Variants in CAB39 observed in about 807,000 individuals in gnomAD.
CAB39 encodes calcium binding protein 39, also known as calcium-binding protein 39.
Under a neutral mutation model 40.0 loss-of-function variants are expected in CAB39, and 8 were observed. The observed-to-expected ratio is 0.20, with a 90% CI of 0.12 to 0.36. The LOEUF (loss-of-function observed/expected upper bound fraction) is 0.36. CAB39 is among the 10% of genes least tolerant of loss of function. The pLI is 1.00. For missense variants in CAB39, 270 were observed against 401.1 expected (o/e 0.67, Z 2.79); for synonymous variants, 156 against 141.6 (o/e 1.10, Z -0.72).
At chr2:230,772,762 G>A (rs1458144599) in intron 2 of CAB39, among the ~76,000 whole-genome samples, 2 of 152,058 alleles carry the variant, frequency 1.3e-5, no homozygotes, top group Non-Finnish European at 2.9e-5. Context: ...TGGGATTACA[G>A]GCGTGAGACA....
At chr2:230,772,982 TAA>T (rs10713369) in intron 2 of CAB39, among the ~76,000 whole-genome samples, 2,614 of 115,004 alleles carry the variant, frequency 0.023, 51 homozygotes, top group African/African-American at 0.061. Context: ...TACTCAGCAA[TAA>T]AAAAAAAAAA....
Position 230,712,911 on chromosome 2 carries a change from G to A in CAB39, c.-363G>A, listed in dbSNP as rs1231185164. 1 of 151,980 alleles carries A rather than the reference G, an allele frequency of 6.6e-6. No individual in the cohort carries two copies. Among genetic ancestry groups the A allele is most frequent in the East Asian group, 1.9e-4 (1 of 5,200 alleles). The allele number at this position is 151,980 out of a possible 1,614,324, so 9.4% of individuals were successfully genotyped here. On this transcript the variant is annotated 5_prime_UTR_variant, in exon 1 of 9. Coordinates refer to ENST00000258418, the MANE Select transcript of CAB39 (RefSeq NM_016289.4). ...GGGGTTCGGGGAGCGGCGCGGCCTG[G>A]GAGACACAGAGCCTTCAGGCGCCGG...
At chr2:230,746,497 T>C (rs1400466548) in intron 1 of CAB39, among the ~76,000 whole-genome samples, 2 of 152,208 alleles carry the variant, frequency 1.3e-5, no homozygotes, top group Non-Finnish European at 2.9e-5. Flanking sequence ...CCTTTGAATA[T>C]TCCATCTTGG....
At chr2:230,801,503 C>T (rs1215441102) in intron 5 of CAB39, among the ~76,000 whole-genome samples, 2 of 152,176 alleles carry the variant, frequency 1.3e-5, no homozygotes, top group African/African-American at 4.8e-5. Flanking sequence ...AGAAAACGTG[C>T]TCTGCACACA....
chr2:230,719,240 A>G (rs796387011), intron 1 of CAB39, among the ~76,000 whole-genome samples: 7 of 152,328 alleles, frequency 4.6e-5, no homozygotes, highest in African/African-American at 1.4e-4. Context: ...ATTGTCCCCA[A>G]CATCATTGAT....
At chr2:230,759,085 A>G (rs551549022) in intron 1 of CAB39, among the ~76,000 whole-genome samples, 1 of 152,316 alleles carries the variant, frequency 6.6e-6, no homozygotes, top group South Asian at 2.1e-4. Context: ...CTAGAAGTTC[A>G]TCATCCTCAG....
At chr2:230,738,641 CTG>C (rs1694826530) in intron 1 of CAB39, among the ~76,000 whole-genome samples, 1 of 152,212 alleles carries the variant, frequency 6.6e-6, no homozygotes. Flanking sequence ...TGGAAAAAGT[CTG>C]TTTACACTAA....
chr2:230,769,175 A>T (rs1695440570), intron 2 of CAB39, among the ~76,000 whole-genome samples: 2 of 152,244 alleles, frequency 1.3e-5, no homozygotes, highest in African/African-American at 4.8e-5. Flanking sequence ...TCATTTTATG[A>T]TAAAGTAGGG....
chr2:230,793,313 T>C lies in CAB39; in HGVS notation c.380T>C (p.Leu127Ser), dbSNP rs1447998468. 1.3e-6 allele frequency: 2 copies of C among 1,580,480 alleles called. No homozygotes were observed. Among genetic ancestry groups the C allele is most frequent in the Non-Finnish European group, 1.7e-6 (2 of 1,150,872 alleles). The change falls in exon 4 of 9, where the codon TTG (leucine) becomes TCG (serine). Residue 127 changes from leucine (L) to serine (S), a missense_variant. Transcript: ENST00000258418. ...TACATCTGCACCCAACAGAATATTT[T>C]GTTCATGTTATTGAAAGGGTATGTA... The part of the protein sequence containing the change: ...VEYICTQQNI[L>S]FMLLKGYESP...
intron 5 of CAB39, among the ~76,000 whole-genome samples, chr2:230,801,403 C>T (rs577918051): frequency 6.6e-6 from 1 of 152,272 alleles, no homozygotes; most frequent in East Asian, 1.9e-4. Flanking sequence ...CTGCTAGTCT[C>T]CTGTTTGCAG....
intron 1 of CAB39, among the ~76,000 whole-genome samples, chr2:230,732,076 C>T (rs1465054747): frequency 1.3e-5 from 2 of 151,486 alleles, no homozygotes; most frequent in African/African-American, 4.9e-5. Flanking sequence ...GAAATTATCT[C>T]TCTCTTTTTT....
At chr2:230,811,119 A>C (rs1696296571) in intron 6 of CAB39, among the ~76,000 whole-genome samples, 1 of 152,220 alleles carries the variant, frequency 6.6e-6, no homozygotes, top group African/African-American at 2.4e-5. Context: ...AAGAGGTTAG[A>C]AGAATGACAA....
At chr2:230,806,135 A>G (rs1353270913) in intron 5 of CAB39, among the ~76,000 whole-genome samples, 2 of 152,214 alleles carry the variant, frequency 1.3e-5, no homozygotes, top group African/African-American at 4.8e-5. Flanking sequence ...ACTAAGTATA[A>G]TAATTACTAG....
intron 1 of CAB39, among the ~76,000 whole-genome samples, chr2:230,717,713 T>C (rs1266717047): frequency 1.3e-5 from 2 of 152,224 alleles, no homozygotes; most frequent in Non-Finnish European, 1.5e-5. Flanking sequence ...TAACAGCTAG[T>C]TGCCATCTGC....
chr2:230,724,583 A>G (rs904213391), intron 1 of CAB39, among the ~76,000 whole-genome samples: 2 of 151,630 alleles, frequency 1.3e-5, no homozygotes, highest in African/African-American at 4.8e-5. Flanking sequence ...TGGGAGGCTG[A>G]GGCAGGAGAA....
At chr2:230,764,950 T>A (rs111832064) in intron 2 of CAB39, among the ~76,000 whole-genome samples, 1 of 152,182 alleles carries the variant, frequency 6.6e-6, no homozygotes, top group Non-Finnish European at 1.5e-5. Context: ...TTAATAAAAT[T>A]AAATTTTTAC....
At chr2:230,715,741 C>T (rs1040425152) in intron 1 of CAB39, among the ~76,000 whole-genome samples, 11 of 152,182 alleles carry the variant, frequency 7.2e-5, no homozygotes, top group Non-Finnish European at 2.9e-5. Flanking sequence ...CTCACTCGGT[C>T]GCTCAGGCCG....
chr2:230,810,126 A>G (rs910086401), intron 5 of CAB39, 137 bp from the exon 6 acceptor site: 2 of 537,712 alleles, frequency 3.7e-6, no homozygotes, highest in African/African-American at 2.0e-5. Context: ...TCAGTGTTTT[A>G]ATACAATTCA....
chr2:230,803,375 T>C (rs748057414), intron 5 of CAB39, among the ~76,000 whole-genome samples: 14 of 152,212 alleles, frequency 9.2e-5, no homozygotes, highest in Non-Finnish European at 1.5e-4. Flanking sequence ...TCACCACTCC[T>C]ATTCAACATA....
Sources: allele counts gnomAD v4.1 joint callset (sites outside exome capture counted in the v4.1 genomes callset), GRCh38; gene constraint gnomAD v4.1.1; transcripts MANE v1.5; gene names NCBI Gene and HGNC (gene_info 2026-07-23, HGNC 2026-07-21).